Variants in GALNT5 observed in about 807,000 individuals in gnomAD.
GALNT5 encodes UDP-GalNAc:polypeptide N-acetylgalactosaminyltransferase 5.
In GALNT5, 72 loss-of-function variants were observed where a neutral mutation model predicts 85.4. The ratio of observed to expected loss-of-function variants is 0.84; its 90% confidence interval spans 0.70 to 1.03. The LOEUF is 1.03. GALNT5 is among the 50% of genes least tolerant of loss of function. The probability of loss-of-function intolerance (pLI) is 0.00; values close to 1 mark genes in which losing one functional copy is unlikely to be tolerated. For synonymous variants in GALNT5, 404 were observed against 397.0 expected, an observed-to-expected ratio of 1.02 and a Z score of -0.21; for missense variants, 1,137 against 1,135.5, an observed-to-expected ratio of 1.00 and a Z score of -0.02.
chr2:157,259,883 G>T (rs1452561345), intron 1 of GALNT5, among the ~76,000 whole-genome samples: 1 of 152,188 alleles, frequency 6.6e-6, no homozygotes, highest in Non-Finnish European at 1.5e-5. Context: ...TAGTGACAAT[G>T]AAGTGAATTC....
In GALNT5 at chr2:157,317,174, GTA is replaced by G. The variant is rs68129611; in HGVS notation, c.*5850_*5851del. Among the ~76,000 whole-genome samples the G allele has an allele frequency of 0.01, 1,450 of 139,276 alleles. 20 individuals carry two copies. The highest frequency in any genetic ancestry group is 0.031 in the African/African-American group (1,191 of 37,980). 91.4% of individuals were successfully genotyped at this position (139,276 alleles called of 152,430 possible). A position where few individuals can be genotyped will look rare whatever the true frequency, so the allele number is the denominator to read the frequency against. ...TTTTGTAAATATACTGTATGTGTGTGTATATATATATATATATATATATATTT... is the reference window on the plus strand; with the variant it reads ...TTTTGTAAATATACTGTATGTGTGTGTATATATATATATATATATATATTT... On this transcript the variant is annotated 3_prime_UTR_variant, in exon 10 of 10. Transcript: ENST00000259056.
At position 157,314,430 on chromosome 2, in the gene GALNT5, C is replaced by G. The variant is rs537797189; in HGVS notation, c.*3082C>G. 6.6e-6 allele frequency among the ~76,000 whole-genome samples: 1 copy of G among 152,290 alleles called. No individual in the cohort carries two copies. The highest frequency in any genetic ancestry group is 1.9e-4 in the East Asian group (1 of 5,186). On this transcript the variant is annotated 3_prime_UTR_variant, in exon 10 of 10. Coordinates refer to ENST00000259056, the MANE Select transcript of GALNT5 (RefSeq NM_014568.3). ...TTGTTGGTACAATCTTGTTCTATCA[C>G]CAGCATCAAATTTGCTTAATACTGC...
In GALNT5 at chr2:157,304,517, G is replaced by T. The variant is rs562385704; in HGVS notation, c.2440-1232G>T. Among the ~76,000 whole-genome samples, 6 of 152,304 alleles carry T rather than the reference G, an allele frequency of 3.9e-5. No homozygotes were observed. In the East Asian group the frequency reaches 1.2e-3, roughly 29 times the overall value. On this transcript the variant is annotated intron_variant, in intron 7 of 9. Coordinates refer to ENST00000259056, the MANE Select transcript of GALNT5 (RefSeq NM_014568.3). ...TGGTGTAAAGTTTCAGATTCTCAGGGACAATCCAGCTTCCTTGTTTTCTCC... is the reference window on the plus strand; with the variant it reads ...TGGTGTAAAGTTTCAGATTCTCAGGTACAATCCAGCTTCCTTGTTTTCTCC...
intron 1 of GALNT5, among the ~76,000 whole-genome samples, chr2:157,276,457 A>T (rs1307793190): frequency 1.3e-5 from 2 of 151,910 alleles, no homozygotes; most frequent in Admixed American, 6.6e-5. Context: ...CTGGTCCTGG[A>T]CTTTTTTTGA....
intron 3 of GALNT5, 75 bp from the exon 4 acceptor site, chr2:157,295,588 A>G: frequency 1.7e-6 from 2 of 1,195,474 alleles, no homozygotes; most frequent in Non-Finnish European, 2.4e-6. Flanking sequence ...GCAATCATCA[A>G]TACCTTTGAA....
Position 157,296,526 on chromosome 2 carries a change from A to T in GALNT5, c.1997+13A>T, listed in dbSNP as rs1683218346. On this transcript the variant is annotated intron_variant, in intron 5 of 9. Coordinates refer to ENST00000259056, the MANE Select transcript of GALNT5 (RefSeq NM_014568.3). ...CTGATACAATAAGGTAAGTGTGGGA[A>T]ATTTAAGACTAGAAAGCAGTCATGT... The T allele has an allele frequency of 6.3e-7, 1 of 1,598,092 alleles. No individual in the cohort carries two copies. Among genetic ancestry groups the T allele is most frequent in the Non-Finnish European group, 8.6e-7 (1 of 1,167,668 alleles).
At chr2:157,271,972 A>G (rs1682594637) in intron 1 of GALNT5, among the ~76,000 whole-genome samples, 1 of 152,142 alleles carries the variant, frequency 6.6e-6, no homozygotes, top group Non-Finnish European at 1.5e-5. Flanking sequence ...GAAAGCTAAG[A>G]AGGAAACTGA....
intron 3 of GALNT5, among the ~76,000 whole-genome samples, chr2:157,288,655 G>GTAGGCATTA (rs1327154682): frequency 6.6e-6 from 1 of 152,200 alleles, no homozygotes; most frequent in Non-Finnish European, 1.5e-5. Context: ...CTTAAAGATT[G>GTAGGCATTA]TAGGCATTAT....
intron 1 of GALNT5, among the ~76,000 whole-genome samples, chr2:157,272,141 G>A (rs1016492738): frequency 1.2e-4 from 18 of 152,084 alleles, no homozygotes; most frequent in Non-Finnish European, 2.9e-5. Context: ...TTGCTTCATT[G>A]ATAATCCTAT....
At chr2:157,303,974 G>C (rs1683401842) in intron 7 of GALNT5, among the ~76,000 whole-genome samples, 1 of 152,130 alleles carries the variant, frequency 6.6e-6, no homozygotes, top group Admixed American at 6.5e-5. Context: ...AAGATTTTGA[G>C]AAGTTCTGGA....
intron 3 of GALNT5, among the ~76,000 whole-genome samples, chr2:157,288,058 C>T (rs911483421): frequency 1.3e-5 from 2 of 152,198 alleles, no homozygotes; most frequent in South Asian, 2.1e-4. Context: ...TTATCAACTA[C>T]ACCTTGAGGC....
At chr2:157,301,039 A>G (rs779365187) in intron 7 of GALNT5, 40 bp downstream of exon 7, 5 of 1,386,518 alleles carry the variant, frequency 3.6e-6, no homozygotes, top group Non-Finnish European at 5.0e-6. Context: ...CTCCATAAAA[A>G]CAAAACACAA....
rs754372381 is a variant in GALNT5, at chr2:157,259,215, T to C, written c.1133T>C (p.Leu378Pro). 162 of 1,590,716 alleles carry C rather than the reference T, an allele frequency of 1.0e-4. No individual in the cohort carries two copies. Among genetic ancestry groups the C allele is most frequent in the Non-Finnish European group, 8.3e-5 (97 of 1,171,690 alleles). Reference protein sequence around the residue: ...SSSLAPHRVPLSQTNHALTGG... With the variant: ...SSSLAPHRVPPSQTNHALTGG... ...TCACTTGCTCCACATAGAGTGCCACTGTCCCAAACTAACCATGCTTTAACT... is the reference window on the plus strand; with the variant it reads ...TCACTTGCTCCACATAGAGTGCCACCGTCCCAAACTAACCATGCTTTAACT... The change falls in exon 1 of 10, where the codon CTG becomes CCG. Residue 378 changes from leucine to proline, a missense_variant. By Grantham distance (98) the Leu-to-Pro change is moderately conservative (BLOSUM62 -3). Transcript: ENST00000259056.
intron 1 of GALNT5, among the ~76,000 whole-genome samples, chr2:157,261,027 C>T (rs1682328870): frequency 6.6e-6 from 1 of 152,202 alleles, no homozygotes. Flanking sequence ...GCACTCTCTT[C>T]CATCTCTTGC....
At chr2:157,303,611 A>G (rs1280378381) in intron 7 of GALNT5, among the ~76,000 whole-genome samples, 1 of 152,132 alleles carries the variant, frequency 6.6e-6, no homozygotes, top group Admixed American at 6.5e-5. Flanking sequence ...CAATTCCAAA[A>G]CACTTCAGAG....
rs917632276 is a variant in GALNT5, at chr2:157,314,923, C to T, written c.*3575C>T. Among the ~76,000 whole-genome samples the T allele has an allele frequency of 6.6e-6, 1 of 151,958 alleles. No individual in the cohort carries two copies. Among genetic ancestry groups the T allele is most frequent in the African/African-American group, 2.4e-5 (1 of 41,382 alleles). On this transcript the variant is annotated 3_prime_UTR_variant, in exon 10 of 10. Coordinates refer to ENST00000259056, the MANE Select transcript of GALNT5 (RefSeq NM_014568.3). ...TGAAACCCCGTCTCTACTAAAAATA[C>T]AAAAATTAGCTGGGCATGGTGGTGG...
chr2:157,308,877 G>T, intron 9 of GALNT5, 149 bp downstream of exon 9: 3 of 528,594 alleles, frequency 5.7e-6, no homozygotes, highest in South Asian at 7.7e-5. Flanking sequence ...AGAGATGCAT[G>T]GATATCTTTC....
rs533116888 is a variant in GALNT5 at position 157,306,435 on chromosome 2, G to A, written c.2520+606G>A. Among the ~76,000 whole-genome samples the A allele has an allele frequency of 4.6e-5, 7 of 152,236 alleles. No individual in the cohort carries two copies. The East Asian group carries it at 7.7e-4, about 17-fold the overall frequency. On this transcript the variant is annotated intron_variant, in intron 8 of 9. Transcript: ENST00000259056. ...TAGGAAAACTCCCCAAACTCAGAGC[G>A]CAATGGTTAGTAGAGGGAGTCGGGC...
At position 157,258,671 on chromosome 2, in the gene GALNT5, C is replaced by G. The variant is rs540292162; in HGVS notation, c.589C>G (p.Pro197Ala). The G allele has an allele frequency of 1.7e-5, 27 of 1,613,654 alleles. No individual in the cohort carries two copies. In the East Asian group the frequency reaches 5.4e-4, roughly 32 times the overall value. ...HMGRVSLKQE[P>A]RKSHSPSSDT... is the part of the protein sequence containing the mutation. ...GGGACGTGTCAGTTTAAAACAGGAGCCCCGGAAGAGTCATAGTCCCAGCAG... is the reference window on the plus strand; with the variant it reads ...GGGACGTGTCAGTTTAAAACAGGAGGCCCGGAAGAGTCATAGTCCCAGCAG... Residue 197 changes from proline to alanine, a missense_variant, in exon 1 of 10, where the codon CCC (proline) becomes GCC (alanine). By Grantham distance (27) the Pro-to-Ala change is conservative. Transcript: ENST00000259056.
Sources: allele counts gnomAD v4.1 joint callset (sites outside exome capture counted in the v4.1 genomes callset), GRCh38; gene constraint gnomAD v4.1.1; transcripts MANE v1.5; gene names NCBI Gene and HGNC (gene_info 2026-07-23, HGNC 2026-07-21).